KCNN2: variants seen among roughly 807,000 people sequenced by gnomAD.
KCNN2 encodes the protein potassium calcium-activated channel subfamily N member 2, also known as small conductance calcium-activated potassium channel protein 2.
In KCNN2, 24 loss-of-function variants were observed where a neutral mutation model predicts 55.5. That is an observed-to-expected ratio of 0.43 (90% CI 0.31 to 0.61). KCNN2 has a LOEUF of 0.61. KCNN2 is among the 20% of genes least tolerant of loss of function. The probability of loss-of-function intolerance (pLI) is 0.08; values close to 1 mark genes in which losing one functional copy is unlikely to be tolerated. For synonymous variants in KCNN2, 431 were observed against 336.1 expected (o/e 1.28, Z -3.09); for missense variants, 754 against 853.6 (o/e 0.88, Z 1.45).
intron 3 of KCNN2, among the ~76,000 whole-genome samples, chr5:114,414,828 G>C (rs1204789054): frequency 6.6e-6 from 1 of 152,092 alleles, no homozygotes; most frequent in Non-Finnish European, 1.5e-5. Flanking sequence ...ACTTTATTGA[G>C]GTATAATTTA....
At chr5:114,116,625 T>G (rs1311976226) in intron 1 of KCNN2, among the ~76,000 whole-genome samples, 1 of 152,142 alleles carries the variant, frequency 6.6e-6, no homozygotes, top group African/African-American at 2.4e-5. Flanking sequence ...GTGCATATAT[T>G]GCTAATGATT....
At chr5:114,166,380 G>A (rs1223448652) in intron 1 of KCNN2, among the ~76,000 whole-genome samples, 2 of 152,124 alleles carry the variant, frequency 1.3e-5, no homozygotes, top group Admixed American at 1.3e-4. Context: ...TCAGGCGAGT[G>A]TTACATGCTG....
intron 2 of KCNN2, among the ~76,000 whole-genome samples, chr5:114,379,457 ATTATAT>A (rs1758037762): frequency 8.1e-6 from 1 of 123,452 alleles, no homozygotes; most frequent in African/African-American, 2.7e-5. Context: ...TATAGAATAT[ATTATAT>A]AACATATTAT....
At chr5:114,477,867 A>T (rs1762040596) in intron 5 of KCNN2, among the ~76,000 whole-genome samples, 1 of 152,216 alleles carries the variant, frequency 6.6e-6, no homozygotes, top group African/African-American at 2.4e-5. Flanking sequence ...TAATCTGTTA[A>T]GAATTCTCAA....
At chr5:114,126,461 T>C (rs931253185) in intron 1 of KCNN2, among the ~76,000 whole-genome samples, 11 of 152,084 alleles carry the variant, frequency 7.2e-5, no homozygotes, top group African/African-American at 2.7e-4. Context: ...CCTTATAAAA[T>C]CATCAGATCT....
intron 3 of KCNN2, among the ~76,000 whole-genome samples, chr5:114,408,601 C>G (rs1448461942): frequency 6.6e-6 from 1 of 152,066 alleles, no homozygotes; most frequent in Non-Finnish European, 1.5e-5. Context: ...AGTTGACATA[C>G]CTATTTACTG....
chr5:114,364,217 G>A (rs989873457), intron 2 of KCNN2, among the ~76,000 whole-genome samples: 1 of 152,194 alleles, frequency 6.6e-6, no homozygotes, highest in Admixed American at 6.5e-5. Context: ...ATTTTCTGAG[G>A]TGTATTTGTT....
At chr5:114,354,610 T>C (rs548684750) in intron 2 of KCNN2, among the ~76,000 whole-genome samples, 12 of 152,228 alleles carry the variant, frequency 7.9e-5, no homozygotes, top group African/African-American at 2.9e-4. Context: ...TCAAATAGCA[T>C]TGAAGTTTTA....
intron 2 of KCNN2, among the ~76,000 whole-genome samples, chr5:114,302,758 C>G (rs1156637587): frequency 1.3e-5 from 2 of 152,082 alleles, no homozygotes; most frequent in Non-Finnish European, 2.9e-5. Context: ...CAGTTTACAA[C>G]CAGGCCTGGG....
chr5:114,312,160 T>C (rs1415241052), intron 2 of KCNN2, among the ~76,000 whole-genome samples: 1 of 151,918 alleles, frequency 6.6e-6, no homozygotes, highest in Admixed American at 6.6e-5. Context: ...ATTGTAATGC[T>C]AATTCACAAG....
Position 114,058,075 on chromosome 5 carries a change from T to C in KCNN2, c.-271+1575T>C, listed in dbSNP as rs963271500. On this transcript the variant is annotated intron_variant, in intron 1 of 10. Coordinates refer to the KCNN2 transcript ENST00000512097. ...AGGTTTATACCTGTGAGAAACTTTT[T>C]ACATGTTCGACAGAAGACATGCATG... Among the ~76,000 whole-genome samples, 3 of 152,226 alleles carry C rather than the reference T, an allele frequency of 2.0e-5. No individual in the cohort carries two copies. The South Asian group carries it at 6.2e-4, about 32-fold the overall frequency.
intron 1 of KCNN2, among the ~76,000 whole-genome samples, chr5:114,094,061 G>T (rs1375560107): frequency 6.6e-6 from 1 of 152,138 alleles, no homozygotes. Context: ...TGCTACTTAA[G>T]AATAAATATA....
At chr5:114,385,378 C>T (rs965956877) in intron 2 of KCNN2, among the ~76,000 whole-genome samples, 5 of 152,036 alleles carry the variant, frequency 3.3e-5, no homozygotes, top group African/African-American at 1.2e-4. Flanking sequence ...TGACATCAAC[C>T]GTAGGCATCA....
intron 2 of KCNN2, among the ~76,000 whole-genome samples, chr5:114,230,255 G>A (rs942477350): frequency 6.7e-6 from 1 of 149,900 alleles, no homozygotes; most frequent in Non-Finnish European, 1.5e-5. Flanking sequence ...AGACCCAAGG[G>A]GTAGTGATAT....
chr5:114,097,980 A>G lies in KCNN2; in HGVS notation c.-271+41480A>G, dbSNP rs115334801. On this transcript the variant is annotated intron_variant, in intron 1 of 10. Transcript: ENST00000512097. ...TACAGTTCTGGAAGTCAAAAGTCTG[A>G]AATGAATTTTGCATGGCCGAAATTA... 4.6e-3 allele frequency among the ~76,000 whole-genome samples: 702 copies of G among 152,310 alleles called. 7 individuals are homozygous for G. Among genetic ancestry groups the G allele is most frequent in the African/African-American group, 0.016 (654 of 41,580 alleles).
chr5:114,109,729 T>C (rs79097535), intron 1 of KCNN2, among the ~76,000 whole-genome samples: 7,008 of 152,102 alleles, frequency 0.046, 537 homozygotes, highest in African/African-American at 0.16. Context: ...CCTTAATGTC[T>C]CAACAGAAAC....
chr5:114,155,021 G>A (rs1380067340), intron 1 of KCNN2, among the ~76,000 whole-genome samples: 2 of 151,834 alleles, frequency 1.3e-5, no homozygotes, highest in Non-Finnish European at 2.9e-5. Context: ...TGTTTTTCCT[G>A]ATCTGCTCCC....
intron 1 of KCNN2, among the ~76,000 whole-genome samples, chr5:114,183,402 T>G (rs574910933): frequency 6.6e-6 from 1 of 152,240 alleles, no homozygotes; most frequent in South Asian, 2.1e-4. Context: ...TTTCCTGTTT[T>G]ATGAGAATAT....
chr5:114,207,954 A>G (rs1220559979), intron 1 of KCNN2, among the ~76,000 whole-genome samples: 1 of 152,182 alleles, frequency 6.6e-6, no homozygotes, highest in Non-Finnish European at 1.5e-5. Flanking sequence ...AACTCAGAAG[A>G]GGCTGTTGTG....
Sources: allele counts gnomAD v4.1 joint callset (sites outside exome capture counted in the v4.1 genomes callset), GRCh38; gene constraint gnomAD v4.1.1; transcripts MANE v1.5; gene names NCBI Gene and HGNC (gene_info 2026-07-23, HGNC 2026-07-21).